The following POGLUT1 variants were observed in gnomAD, a reference collection of about 807,000 sequenced individuals.
POGLUT1 encodes the protein protein O-glucosyltransferase 1.
A neutral mutation model predicts 61.3 loss-of-function variants in POGLUT1; 32 were observed. That is an observed-to-expected ratio of 0.52 (90% CI 0.39 to 0.70). The LOEUF is 0.70. POGLUT1 is among the 30% of genes least tolerant of loss of function. The pLI, the probability that POGLUT1 is intolerant of heterozygous loss-of-function variation, is 0.00. For missense variants in POGLUT1, 411 were observed against 469.8 expected, an observed-to-expected ratio of 0.87 and a Z score of 1.16; for synonymous variants, 158 against 158.2, an observed-to-expected ratio of 1.00 and a Z score of 0.01.
chr3:119,491,565 T>C lies in POGLUT1; in HGVS notation c.1013T>C (p.Ile338Thr), dbSNP rs2081746032. ...GCAAATGATGATGTAGCTCAAGAGA[T>C]TGCTGAAAGGTGAGTTCTGTTCATT... ...VKANDDVAQEIAERGSQFIRN... is the reference protein window; with the variant it reads ...VKANDDVAQETAERGSQFIRN... Residue 338 changes from isoleucine (I) to threonine (T), a missense_variant, in exon 10 of 11, where the codon ATT (isoleucine) becomes ACT (threonine). By Grantham distance (89) the Ile-to-Thr change is moderately conservative. Coordinates refer to ENST00000295588, the MANE Select transcript of POGLUT1 (RefSeq NM_152305.3). 4 of 1,553,888 alleles carry C rather than the reference T, an allele frequency of 2.6e-6. No homozygotes were observed. The highest frequency in any genetic ancestry group is 2.3e-5 in the East Asian group (1 of 42,688).
chr3:119,471,494 A>G (rs767963117), intron 3 of POGLUT1, 42 bp downstream of exon 3: 35 of 1,585,846 alleles, frequency 2.2e-5, no homozygotes, highest in Non-Finnish European at 2.9e-5. Context: ...ACTTTATTAC[A>G]TATGGGCTTG....
At chr3:119,478,392 A>G in intron 4 of POGLUT1, 1 of 456,694 alleles carries the variant, frequency 2.2e-6, no homozygotes, top group South Asian at 1.5e-5. Flanking sequence ...TGCATTTCCC[A>G]TGGTCTAGCC....
chr3:119,492,403 C>A lies in POGLUT1; in HGVS notation c.1144C>A (p.Gln382Lys). ...YNVTRRKGYD[Q>K]IIPKMLKTEL ...TGTAACGAGAAGGAAAGGTTATGAT[C>A]AAATTATTCCCAAAATGTTGAAAAC... Residue 382 changes from glutamine to lysine, a missense_variant, in exon 11 of 11, where the codon CAA becomes AAA. Gln to Lys is a moderately conservative substitution (Grantham distance 53). Coordinates refer to ENST00000295588, the MANE Select transcript of POGLUT1 (RefSeq NM_152305.3). 1 of 1,604,256 alleles carries A rather than the reference C, an allele frequency of 6.2e-7. No individual in the cohort carries two copies. Among genetic ancestry groups the A allele is most frequent in the South Asian group, 1.1e-5 (1 of 89,994 alleles).
intron 4 of POGLUT1, chr3:119,478,563 A>T (rs1204143622): frequency 2.8e-6 from 1 of 358,896 alleles, no homozygotes; most frequent in Non-Finnish European, 5.5e-6. Context: ...CTTTCCGTTC[A>T]TCTTTACTTC....
At chr3:119,478,888 CAA>C (rs367802266) in intron 4 of POGLUT1, among the ~76,000 whole-genome samples, 1,142 of 85,998 alleles carry the variant, frequency 0.013, 7 homozygotes, top group African/African-American at 0.051. Flanking sequence ...GCAGGTGGAT[CAA>C]AAAAAAAAAA....
chr3:119,481,433 T>C (rs1223291185), intron 5 of POGLUT1, among the ~76,000 whole-genome samples: 1 of 152,212 alleles, frequency 6.6e-6, no homozygotes, highest in Non-Finnish European at 1.5e-5. Flanking sequence ...ATTATAGGCC[T>C]TCTCTCAGGT....
At chr3:119,487,106 T>A (rs1227507581) in intron 7 of POGLUT1, 174 bp downstream of exon 7, 4 of 603,664 alleles carry the variant, frequency 6.6e-6, no homozygotes, top group Non-Finnish European at 1.2e-5. Context: ...AAACTTACAT[T>A]GCTTTTCTGG....
intron 10 of POGLUT1, 145 bp from the exon 11 acceptor site, chr3:119,492,137 C>G (rs943455132): frequency 1.1e-5 from 5 of 470,222 alleles, no homozygotes; most frequent in Non-Finnish European, 1.9e-5. Flanking sequence ...GATATGATTG[C>G]CATAGGGTTG....
intron 10 of POGLUT1, among the ~76,000 whole-genome samples, chr3:119,491,809 C>T (rs576426165): frequency 2.4e-4 from 37 of 152,262 alleles, no homozygotes; most frequent in Admixed American, 2.6e-4. Flanking sequence ...AATCCCAGCA[C>T]TCTGGAAGGC....
At chr3:119,489,630 T>G (rs2081715904) in intron 8 of POGLUT1, 1 of 146,404 alleles carries the variant, frequency 6.8e-6, no homozygotes, top group African/African-American at 2.8e-5. Flanking sequence ...TTTTTTTGTT[T>G]TTTTTTTTTC....
rs1421005302 is a variant in POGLUT1, at chr3:119,492,947, T to C, written c.*509T>C. 1 of 152,714 alleles carries C rather than the reference T, an allele frequency of 6.5e-6. No homozygotes were observed. The highest frequency in any genetic ancestry group is 1.9e-4 in the East Asian group (1 of 5,206). 9.5% of individuals were successfully genotyped at this position (152,714 alleles called of 1,614,324 possible). ...TATGAAAAATACTTGGGGATCATTC[T>C]CTGAATGGTCTAAGGAAGCGGTAGC... On this transcript the variant is annotated 3_prime_UTR_variant, in exon 11 of 11. Coordinates refer to ENST00000295588, the MANE Select transcript of POGLUT1 (RefSeq NM_152305.3).
intron 3 of POGLUT1, among the ~76,000 whole-genome samples, chr3:119,476,030 C>A (rs2107707616): frequency 6.6e-6 from 1 of 151,672 alleles, no homozygotes; most frequent in South Asian, 2.1e-4. Flanking sequence ...TTGGCACACA[C>A]CTGTAGTCCC....
intron 6 of POGLUT1, among the ~76,000 whole-genome samples, chr3:119,486,061 A>T (rs78172375): frequency 0.12 from 17,619 of 152,138 alleles, 1,206 homozygotes; most frequent in South Asian, 0.18. Flanking sequence ...CTCCCTCTTC[A>T]CCCTCCTCTT....
At chr3:119,477,511 T>C in intron 4 of POGLUT1, 63 bp downstream of exon 4, 1 of 1,506,386 alleles carries the variant, frequency 6.6e-7, no homozygotes, top group Non-Finnish European at 9.2e-7. Flanking sequence ...GAGCATGAGA[T>C]CTTTGTCCGG....
At chr3:119,479,902 C>T (rs987283879) in intron 4 of POGLUT1, 149 bp from the exon 5 acceptor site, 2 of 1,519,226 alleles carry the variant, frequency 1.3e-6, no homozygotes, top group Non-Finnish European at 8.9e-7. Context: ...CTTTTAATGT[C>T]TACAGGCTAG....
rs756625999 is a variant in POGLUT1 at position 119,492,426 on chromosome 3, AACTGAACTATAGTAGTCATCATAGGACC to A, written c.1169_*17del. The A allele has an allele frequency of 3.7e-6, 6 of 1,600,582 alleles. No homozygotes were observed. In the African/African-American group the frequency reaches 8.1e-5, roughly 22 times the overall value. Reference sequence around the variant, plus strand: ...ATCAAATTATTCCCAAAATGTTGAAAACTGAACTATAGTAGTCATCATAGGACCATAGTCCTCTTTGTGGCAACAGATC... The same window carrying A: ...ATCAAATTATTCCCAAAATGTTGAAAATAGTCCTCTTTGTGGCAACAGATC... On this transcript the variant is annotated stop_lost and 3_prime_UTR_variant, in exon 11 of 11. Coordinates refer to ENST00000295588, the MANE Select transcript of POGLUT1 (RefSeq NM_152305.3).
chr3:119,488,279 T>C (rs1451264090), intron 7 of POGLUT1: 1 of 152,124 alleles, frequency 6.6e-6, no homozygotes, highest in Non-Finnish European at 1.5e-5. Flanking sequence ...GAGTTTACCA[T>C]CTGCTAAGGT....
At chr3:119,483,469 G>C (rs1412894708) in intron 5 of POGLUT1, among the ~76,000 whole-genome samples, 1 of 152,178 alleles carries the variant, frequency 6.6e-6, no homozygotes, top group East Asian at 1.9e-4. Flanking sequence ...ACCTCTAAAG[G>C]ACCTCATTTG....
At chr3:119,472,326 T>C (rs1404074249) in intron 3 of POGLUT1, among the ~76,000 whole-genome samples, 3 of 152,144 alleles carry the variant, frequency 2.0e-5, no homozygotes, top group South Asian at 4.1e-4. Context: ...GTGAAATAAA[T>C]GTGCAGAGTT....
Sources: gnomAD v4.1 joint callset for allele counts (sites outside exome capture counted in the v4.1 genomes callset) on GRCh38, gnomAD v4.1.1 for gene constraint, MANE v1.5 for transcripts, NCBI Gene and HGNC (gene_info 2026-07-23, HGNC 2026-07-21) for gene names.